Variants in NMI observed in about 807,000 individuals in gnomAD.
NMI encodes N-myc and STAT interactor, also known as N-myc-interactor.
In NMI, 39 loss-of-function variants were observed where a neutral mutation model predicts 34.3. That is an observed-to-expected ratio of 1.14 (90% CI 0.88 to 1.49). The LOEUF is 1.49. Ranked by LOEUF, NMI falls within the 40% of genes most tolerant of loss-of-function variation. NMI has a pLI of 0.00. For missense variants in NMI, 339 were observed against 358.1 expected (o/e 0.95, Z 0.43); for synonymous variants, 113 against 120.3 (o/e 0.94, Z 0.40).
In NMI at chr2:151,275,782, T is replaced by C. The variant is rs1297999217; in HGVS notation, c.423A>G (p.Pro141=). The C allele has an allele frequency of 5.6e-6, 9 of 1,613,578 alleles. No individual in the cohort carries two copies. Among genetic ancestry groups the C allele is most frequent in the Non-Finnish European group, 7.6e-6 (9 of 1,179,720 alleles). Residue 141 remains proline, a synonymous_variant, in exon 5 of 8, where the codon CCA becomes CCG. Transcript: ENST00000243346. Reference sequence around the variant, plus strand: ...CCTGGAATCTGACTCCTGAATTTAATGGAACTGGCTTGGCCGTAACCTCCA... The same window carrying C: ...CCTGGAATCTGACTCCTGAATTTAACGGAACTGGCTTGGCCGTAACCTCCA... ...VNLEVTAKPV[P]LNSGVRFQVY...
chr2:151,271,953 A>G (rs552878745), intron 6 of NMI, among the ~76,000 whole-genome samples: 1 of 152,334 alleles, frequency 6.6e-6, no homozygotes, highest in African/African-American at 2.4e-5. Flanking sequence ...TCCATCTTGA[A>G]TTATTCACTG....
intron 3 of NMI, among the ~76,000 whole-genome samples, chr2:151,281,333 GA>G (rs1390593405): frequency 6.6e-6 from 1 of 152,170 alleles, no homozygotes; most frequent in East Asian, 1.9e-4. Flanking sequence ...AACTCAGTGA[GA>G]AAAGCCAGAA....
intron 7 of NMI, among the ~76,000 whole-genome samples, 165 bp from the exon 8 acceptor site, chr2:151,271,040 A>G (rs1683176282): frequency 6.6e-6 from 1 of 152,250 alleles, no homozygotes; most frequent in African/African-American, 2.4e-5. Flanking sequence ...TCTGAGTTTT[A>G]GAAAGAGAAC....
At chr2:151,273,781 C>A (rs907204112) in intron 6 of NMI, among the ~76,000 whole-genome samples, 1 of 152,156 alleles carries the variant, frequency 6.6e-6, no homozygotes, top group African/African-American at 2.4e-5. Flanking sequence ...CTCCGCCTCC[C>A]AAAGTGCTGG....
chr2:151,287,048 T>C (rs932002975), intron 1 of NMI, among the ~76,000 whole-genome samples: 4 of 152,190 alleles, frequency 2.6e-5, no homozygotes, highest in Non-Finnish European at 4.4e-5. Flanking sequence ...TGGATCTGAT[T>C]ATTAAATTGT....
In NMI at chr2:151,278,765, A is replaced by G. The variant is rs766004836; in HGVS notation, c.340+63T>C. The G allele has an allele frequency of 1.5e-5, 19 of 1,247,180 alleles. No individual in the cohort carries two copies. The South Asian group carries it at 2.1e-4, about 14-fold the overall frequency. The allele number at this position is 1,247,180 out of a possible 1,614,324, so 77.3% of individuals were successfully genotyped here. A position where few individuals can be genotyped will look rare whatever the true frequency, so the allele number is the denominator to read the frequency against. ...AGTGAAGTAATATTAGCGAAGTAAT[A>G]GCTAAATGTCTATGAAAGTGCTTTC... On this transcript the variant is annotated intron_variant, in intron 4 of 7. Transcript: ENST00000243346.
intron 3 of NMI, among the ~76,000 whole-genome samples, chr2:151,281,666 T>C (rs1683407759): frequency 6.6e-6 from 1 of 152,188 alleles, no homozygotes; most frequent in Non-Finnish European, 1.5e-5. Flanking sequence ...GTCTTTTTTG[T>C]GTTAACATTG....
In NMI at chr2:151,274,344, C is replaced by CAAAAA. The variant is rs773276443; in HGVS notation, c.634+1135_634+1139dup. On this transcript the variant is annotated intron_variant, in intron 6 of 7. Coordinates refer to ENST00000243346, the MANE Select transcript of NMI (RefSeq NM_004688.3). ...GGCGACAGAGCAAGACTCTGTCTCACAAAAAAAAAAAAAAAAAAAAAAAAA... is the reference window on the plus strand; with the variant it reads ...GGCGACAGAGCAAGACTCTGTCTCACAAAAAAAAAAAAAAAAAAAAAAAAAAAAAA... Among the ~76,000 whole-genome samples, 26 of 54,672 alleles carry CAAAAA rather than the reference C, an allele frequency of 4.8e-4. 2 individuals are homozygous for CAAAAA. Among genetic ancestry groups the CAAAAA allele is most frequent in the African/African-American group, 4.9e-4 (7 of 14,326 alleles). The allele number at this position is 54,672 out of a possible 152,430, so 35.9% of individuals were successfully genotyped here.
rs570613447 is a variant in NMI at position 151,273,204 on chromosome 2, T to C, written c.635-1472A>G. Among the ~76,000 whole-genome samples the C allele has an allele frequency of 2.0e-5, 3 of 152,306 alleles. No homozygotes were observed. The East Asian group carries it at 5.8e-4, about 29-fold the overall frequency. ...CTTATGAGCTATGTGGCCTTGGATA[T>C]GTTGCTTGACTTCTTAAAGCCTCAG... On this transcript the variant is annotated intron_variant, in intron 6 of 7. Transcript: ENST00000243346.
chr2:151,288,946 C>G (rs541351823), intron 1 of NMI: 29 of 152,416 alleles, frequency 1.9e-4, no homozygotes, highest in African/African-American at 7.0e-4. Flanking sequence ...CAGAGACACT[C>G]GGAGAAAACA....
At chr2:151,281,762 C>T (rs182996191) in intron 3 of NMI, among the ~76,000 whole-genome samples, 186 bp downstream of exon 3, 2 of 152,212 alleles carry the variant, frequency 1.3e-5, no homozygotes, top group Admixed American at 6.5e-5. Context: ...TATGACTATA[C>T]CCCAATTCAC....
At chr2:151,287,611 T>C (rs960520919) in intron 1 of NMI, among the ~76,000 whole-genome samples, 6 of 152,132 alleles carry the variant, frequency 3.9e-5, no homozygotes, top group Non-Finnish European at 7.4e-5. Flanking sequence ...CCATTCCAAA[T>C]TTTCCCCAAG....
At position 151,282,055 on chromosome 2, in the gene NMI, C is replaced by A. The variant is rs1683417216; in HGVS notation, c.82-12G>T. The A allele has an allele frequency of 8.7e-7, 1 of 1,146,502 alleles. No homozygotes were observed. The highest frequency in any genetic ancestry group is 1.3e-5 in the South Asian group (1 of 77,512). 71.0% of individuals were successfully genotyped at this position (1,146,502 alleles called of 1,614,324 possible). ...TCATCAATTAGTCCCTTAAAAATAT[C>A]AAATGGTACCAAAGAAAGTAAATAG... On this transcript the variant is annotated splice_polypyrimidine_tract_variant and intron_variant, in intron 2 of 7. Coordinates refer to ENST00000243346, the MANE Select transcript of NMI (RefSeq NM_004688.3).
chr2:151,281,901 C>T (rs1683411685), intron 3 of NMI, 47 bp downstream of exon 3: 1 of 922,594 alleles, frequency 1.1e-6, no homozygotes, highest in South Asian at 1.5e-5. Flanking sequence ...TTTCCAAAAA[C>T]CATGCATCCA....
At chr2:151,282,417 G>A (rs1057263666) in intron 2 of NMI, among the ~76,000 whole-genome samples, 1 of 152,186 alleles carries the variant, frequency 6.6e-6, no homozygotes, top group Non-Finnish European at 1.5e-5. Flanking sequence ...CACTGTAATA[G>A]CGGACATATT....
At chr2:151,278,436 A>G (rs1396767000) in intron 4 of NMI, 1 of 161,974 alleles carries the variant, frequency 6.2e-6, no homozygotes, top group Non-Finnish European at 1.3e-5. Flanking sequence ...AAAGTACACA[A>G]TAATAACTAT....
At position 151,279,010 on chromosome 2, in the gene NMI, T is replaced by C; in HGVS notation, c.178-20A>G. The stretch of plus-strand genomic sequence containing the variant: ...TTTAATCTAATCCAAATGAAAATGT[T>C]TGATTAAAATCAAGACGAGAAATAA... On this transcript the variant is annotated intron_variant, in intron 3 of 7. Transcript: ENST00000243346. The C allele has an allele frequency of 6.6e-7, 1 of 1,523,646 alleles. No individual in the cohort carries two copies. The highest frequency in any genetic ancestry group is 9.0e-7 in the Non-Finnish European group (1 of 1,109,754). The allele number at this position is 1,523,646 out of a possible 1,614,324, so 94.4% of individuals were successfully genotyped here.
At position 151,281,962 on chromosome 2, in the gene NMI, T is replaced by C; in HGVS notation, c.163A>G (p.Thr55Ala). The C allele has an allele frequency of 1.3e-6, 2 of 1,531,188 alleles. No homozygotes were observed. Among genetic ancestry groups the C allele is most frequent in the Non-Finnish European group, 1.8e-6 (2 of 1,110,048 alleles). 94.9% of individuals were successfully genotyped at this position (1,531,188 alleles called of 1,614,324 possible). A position where few individuals can be genotyped will look rare whatever the true frequency, so the allele number is the denominator to read the frequency against. ...TAAGAGAGTACCTGGAATTCTTTGG[T>C]AGCCTCTTGTAACTCCGTTTCAAGC... ...QKLETELQEA[T>A]KEFQIKEDIP... The change falls in exon 3 of 8, where the codon ACC becomes GCC. Residue 55 changes from threonine to alanine, a missense_variant. Physicochemically the swap from Thr to Ala is moderately conservative, Grantham distance 58. Transcript: ENST00000243346.
At position 151,270,952 on chromosome 2, in the gene NMI, T is replaced by C. The variant is rs758481144; in HGVS notation, c.742-77A>G. On this transcript the variant is annotated intron_variant, in intron 7 of 7. Coordinates refer to ENST00000243346, the MANE Select transcript of NMI (RefSeq NM_004688.3). ...AAAACTTTACATTCATAATCTCTGC[T>C]TAATATTTTTTATTTTATCTTAGAA... 322 of 1,080,376 alleles carry C rather than the reference T, an allele frequency of 3.0e-4. 2 individuals carry two copies. Among genetic ancestry groups the C allele is most frequent in the Non-Finnish European group, 4.1e-4 (305 of 747,132 alleles). The allele number at this position is 1,080,376 out of a possible 1,614,324, so 66.9% of individuals were successfully genotyped here.
Sources: allele counts gnomAD v4.1 joint callset (sites outside exome capture counted in the v4.1 genomes callset), GRCh38; gene constraint gnomAD v4.1.1; transcripts MANE v1.5; gene names NCBI Gene and HGNC (gene_info 2026-07-23, HGNC 2026-07-21).